AXIN1: variants seen among roughly 807,000 people sequenced by gnomAD.
AXIN1 encodes the protein axin-1.
AXIN1 carries 30 observed loss-of-function variants against 76.4 expected under a neutral mutation model. That is an observed-to-expected ratio of 0.39 (90% CI 0.29 to 0.53). The LOEUF (loss-of-function observed/expected upper bound fraction) is 0.53, where lower values mean the gene tolerates loss of function less well. AXIN1 is among the 20% of genes least tolerant of loss of function. AXIN1 has a pLI of 0.66. For synonymous variants in AXIN1, 545 were observed against 501.4 expected (o/e 1.09, Z -1.16); for missense variants, 1,140 against 1,198.8 (o/e 0.95, Z 0.72).
intron 2 of AXIN1, among the ~76,000 whole-genome samples, chr16:324,749 C>G (rs866636622): frequency 6.6e-6 from 1 of 152,146 alleles, no homozygotes; most frequent in African/African-American, 2.4e-5. Context: ...GTGCCATCAG[C>G]GACCTGCATC....
intron 4 of AXIN1, among the ~76,000 whole-genome samples, chr16:304,943 G>A (rs80134030): frequency 0.066 from 10,071 of 152,152 alleles, 464 homozygotes; most frequent in African/African-American, 0.12. Flanking sequence ...CATTCCCCAC[G>A]GACCCAGGAG....
intron 4 of AXIN1, among the ~76,000 whole-genome samples, chr16:308,801 C>A (rs1237557538): frequency 6.6e-6 from 1 of 152,218 alleles, no homozygotes; most frequent in Non-Finnish European, 1.5e-5. Flanking sequence ...TAAGTAGACA[C>A]CATCAGTGCC....
chr16:344,523 T>C (rs2053996385), intron 2 of AXIN1, among the ~76,000 whole-genome samples: 2 of 151,588 alleles, frequency 1.3e-5, no homozygotes, highest in Non-Finnish European at 2.9e-5. Context: ...TCTTGTCCTC[T>C]TGTCGCCCAG....
Position 287,736 on chromosome 16 carries a change from G to A in AXIN1, c.*386C>T, listed in dbSNP as rs954821359. 8.5e-5 allele frequency: 34 copies of A among 400,592 alleles called. No homozygotes were observed. The highest frequency in any genetic ancestry group is 1.3e-4 in the Non-Finnish European group (28 of 212,988). The allele number at this position is 400,592 out of a possible 1,614,324, so 24.8% of individuals were successfully genotyped here. ...AGAGGCCCTGCAGGCCTCTGCATCC[G>A]GGCCTGGGCCCCACCCAGACCTGGG... On this transcript the variant is annotated 3_prime_UTR_variant, in exon 11 of 11. Coordinates refer to ENST00000262320, the MANE Select transcript of AXIN1 (RefSeq NM_003502.4).
rs763656238 is a variant in AXIN1 at position 297,148 on chromosome 16, A to G, written c.1863T>C (p.Gly621=). 2 of 1,612,328 alleles carry G rather than the reference A, an allele frequency of 1.2e-6. No individual in the cohort carries two copies. The highest frequency in any genetic ancestry group is 1.3e-5 in the African/African-American group (1 of 74,880). ...GGTTCTTCTCCGCATCCTCCGAGGC[A>G]CCTGGCACCTCGGTGCTGGCGCTCT... ...SGKSASTEVP[G]ASEDAEKNQK... is the part of the protein sequence containing the mutation. Residue 621 remains glycine (G), a synonymous_variant, in exon 7 of 11, where the codon GGT becomes GGC. Transcript: ENST00000262320.
chr16:310,100 C>T (rs763777610), intron 3 of AXIN1, 31 bp from the exon 4 acceptor site: 1 of 1,576,038 alleles, frequency 6.3e-7, no homozygotes, highest in Non-Finnish European at 8.6e-7. Flanking sequence ...GCCGTTAACT[C>T]AGAGAGGAGC....
At chr16:308,963 CTG>C (rs780873236) in intron 4 of AXIN1, among the ~76,000 whole-genome samples, 1 of 152,188 alleles carries the variant, frequency 6.6e-6, no homozygotes, top group African/African-American at 2.4e-5. Context: ...CTGACCAAGA[CTG>C]TGTCAGTGCT....
In AXIN1 at chr16:341,462, T is replaced by C. The variant is rs187747964; in HGVS notation, c.878+4686A>G. ...CCCGGCAGTGCCGGCCCACCGGAGC[T>C]GCGCTCAATTTCTCGCTGGGTCTTA... On this transcript the variant is annotated intron_variant, in intron 2 of 10. Transcript: ENST00000262320. Among the ~76,000 whole-genome samples, 465 of 152,352 alleles carry C rather than the reference T, an allele frequency of 3.1e-3. 1 individual carries two copies. The highest frequency in any genetic ancestry group is 0.011 in the African/African-American group (438 of 41,582).
chr16:293,406 C>A lies in AXIN1; in HGVS notation c.2186+82G>T. 1.4e-6 allele frequency: 2 copies of A among 1,426,628 alleles called. No individual in the cohort carries two copies. Among genetic ancestry groups the A allele is most frequent in the East Asian group, 2.4e-5 (1 of 42,442 alleles). 88.4% of individuals were successfully genotyped at this position (1,426,628 alleles called of 1,614,324 possible). A position where few individuals can be genotyped will look rare whatever the true frequency, so the allele number is the denominator to read the frequency against. ...AGAGGGCCGTTTTTCCCCTGAAGAC[C>A]TCAGGCCTCGGGGAGCTTCAGCCCC... On this transcript the variant is annotated intron_variant, in intron 8 of 10. Coordinates refer to ENST00000262320, the MANE Select transcript of AXIN1 (RefSeq NM_003502.4). The surrounding 1 kb of genome is among the most constrained non-coding windows in gnomAD (Gnocchi z 4.6).
chr16:307,503 C>T (rs901019691), intron 4 of AXIN1, among the ~76,000 whole-genome samples: 1 of 152,238 alleles, frequency 6.6e-6, no homozygotes, highest in East Asian at 1.9e-4. Flanking sequence ...TGTAAAGCCA[C>T]GGCCCCCAAC....
intron 2 of AXIN1, among the ~76,000 whole-genome samples, chr16:333,929 C>T (rs1242665728): frequency 6.6e-6 from 1 of 150,946 alleles, no homozygotes; most frequent in Non-Finnish European, 1.5e-5. Flanking sequence ...ACACAGCACC[C>T]AGTACCATAC....
intron 2 of AXIN1, among the ~76,000 whole-genome samples, chr16:321,206 T>C (rs2141620045): frequency 7.5e-6 from 1 of 134,094 alleles, no homozygotes; most frequent in African/African-American, 3.1e-5. Context: ...CCCGCTGCTC[T>C]CTGTGCCTTC....
intron 2 of AXIN1, among the ~76,000 whole-genome samples, chr16:324,614 C>A (rs1285582087): frequency 1.3e-5 from 2 of 152,252 alleles, no homozygotes. Context: ...CAAGACCACA[C>A]GCCGCACGTC....
At chr16:309,711 C>G (rs1452706776) in intron 4 of AXIN1, among the ~76,000 whole-genome samples, 3 of 152,218 alleles carry the variant, frequency 2.0e-5, no homozygotes, top group South Asian at 4.1e-4. Flanking sequence ...CTTCCTGCCA[C>G]CAGGGAGGGT....
At chr16:328,650 C>T (rs2053629338) in intron 2 of AXIN1, among the ~76,000 whole-genome samples, 1 of 151,948 alleles carries the variant, frequency 6.6e-6, no homozygotes, top group South Asian at 2.1e-4. Context: ...GAGCCGAGAC[C>T]ACACCATTGC....
Position 287,676 on chromosome 16 carries a change from T to C in AXIN1, c.*446A>G. ...ACACAGTGGCAGGCAAGAGACAAGC[T>C]GTGTTGAAGGCACTCGGTGGCGCGT... On this transcript the variant is annotated 3_prime_UTR_variant, in exon 11 of 11. Coordinates refer to ENST00000262320, the MANE Select transcript of AXIN1 (RefSeq NM_003502.4). 3.0e-6 allele frequency: 1 copy of C among 330,374 alleles called. No homozygotes were observed. The highest frequency in any genetic ancestry group is 5.7e-6 in the Non-Finnish European group (1 of 175,694). The allele number at this position is 330,374 out of a possible 1,614,324, so 20.5% of individuals were successfully genotyped here. A position where few individuals can be genotyped will look rare whatever the true frequency, so the allele number is the denominator to read the frequency against.
At chr16:290,029 C>T (rs1222418356) in intron 9 of AXIN1, 1 of 272,314 alleles carries the variant, frequency 3.7e-6, no homozygotes. Context: ...CCTGACCCCG[C>T]AGCGAAGTTT....
At chr16:341,404 C>G (rs1047157656) in intron 2 of AXIN1, among the ~76,000 whole-genome samples, 6 of 152,260 alleles carry the variant, frequency 3.9e-5, no homozygotes, top group Non-Finnish European at 7.3e-5. Context: ...GCTTAGCACC[C>G]GGGCCAGCGG....
At chr16:296,256 T>A (rs1596991345) in intron 7 of AXIN1, among the ~76,000 whole-genome samples, 1 of 152,246 alleles carries the variant, frequency 6.6e-6, no homozygotes, top group Admixed American at 6.5e-5. Flanking sequence ...CCCCAGGCGC[T>A]CAGCTGCCTC....
Sources: gnomAD v4.1 joint callset for allele counts (sites outside exome capture counted in the v4.1 genomes callset) on GRCh38, gnomAD v4.1.1 for gene constraint, Gnocchi (gnomAD v3.1) non-coding constraint, MANE v1.5 for transcripts, NCBI Gene and HGNC (gene_info 2026-07-23, HGNC 2026-07-21) for gene names.